The following ERI3 variants were observed in gnomAD, a reference collection of about 807,000 sequenced individuals.
ERI3 encodes ERI1 exoribonuclease 3.
A neutral mutation model predicts 44.4 loss-of-function variants in ERI3; 18 were observed. The ratio of observed to expected loss-of-function variants is 0.41; its 90% CI spans 0.28 to 0.60. The LOEUF is 0.60. Among genes scored for constraint, ERI3 ranks in the 20% least tolerant of loss-of-function variants. ERI3 has a pLI of 0.36. For missense variants in ERI3, 294 were observed against 435.5 expected (o/e 0.68, Z 2.89); for synonymous variants, 183 against 164.8 (o/e 1.11, Z -0.84).
intron 4 of ERI3, among the ~76,000 whole-genome samples, chr1:44,316,563 C>T (rs1646092175): frequency 6.6e-6 from 1 of 152,176 alleles, no homozygotes; most frequent in Non-Finnish European, 1.5e-5. Context: ...GTGCTTTCTC[C>T]TTTCACAGTT....
At chr1:44,351,638 T>C (rs1646892285) in intron 2 of ERI3, among the ~76,000 whole-genome samples, 3 of 152,168 alleles carry the variant, frequency 2.0e-5, no homozygotes, top group African/African-American at 7.2e-5. Context: ...AGAGCACTAA[T>C]CTAATCTTTT....
At chr1:44,248,599 T>C (rs1644602605) in intron 7 of ERI3, among the ~76,000 whole-genome samples, 1 of 152,042 alleles carries the variant, frequency 6.6e-6, no homozygotes, top group Non-Finnish European at 1.5e-5. Flanking sequence ...CTGGGAGCTT[T>C]GTGGTGGCTC....
chr1:44,343,470 G>C (rs1391449840), intron 2 of ERI3, among the ~76,000 whole-genome samples: 1 of 152,152 alleles, frequency 6.6e-6, no homozygotes. Context: ...TTATATTCCT[G>C]AAGCTACACA....
intron 8 of ERI3, chr1:44,244,133 C>G (rs1161260589): frequency 6.6e-6 from 1 of 152,662 alleles, no homozygotes; most frequent in East Asian, 1.9e-4. Context: ...ACTCAGCAGT[C>G]CCCTGTGGAG....
At chr1:44,256,474 T>C (rs146940590) in intron 7 of ERI3, among the ~76,000 whole-genome samples, 204 of 152,306 alleles carry the variant, frequency 1.3e-3, no homozygotes, top group African/African-American at 4.7e-3. Flanking sequence ...AAGCCCATCC[T>C]CCCTAACCCC....
chr1:44,282,457 C>G (rs1003973795), intron 7 of ERI3, among the ~76,000 whole-genome samples: 8 of 152,212 alleles, frequency 5.3e-5, no homozygotes, highest in African/African-American at 1.9e-4. Flanking sequence ...TGGAGTAAGT[C>G]TTTTACATAA....
intron 2 of ERI3, among the ~76,000 whole-genome samples, chr1:44,339,633 G>C (rs939249516): frequency 6.6e-6 from 1 of 152,144 alleles, no homozygotes; most frequent in Admixed American, 6.5e-5. Context: ...GTTCAAAAGA[G>C]AGAAGAGAGA....
intron 6 of ERI3, among the ~76,000 whole-genome samples, chr1:44,288,311 A>C (rs1007343104): frequency 1.3e-5 from 2 of 152,066 alleles, no homozygotes. Flanking sequence ...TTGTAGACTC[A>C]CTCGCAGGAA....
chr1:44,328,354 A>G (rs985298505), intron 3 of ERI3, among the ~76,000 whole-genome samples: 1 of 151,714 alleles, frequency 6.6e-6, no homozygotes, highest in African/African-American at 2.4e-5. Flanking sequence ...CTGTTGTCAA[A>G]CCAGTCCCAT....
intron 5 of ERI3, among the ~76,000 whole-genome samples, chr1:44,312,851 C>T (rs1646002522): frequency 6.6e-6 from 1 of 152,248 alleles, no homozygotes; most frequent in Non-Finnish European, 1.5e-5. Flanking sequence ...AGCTCAGCTC[C>T]CCTACTCCCC....
chr1:44,279,960 G>T (rs973188744), intron 7 of ERI3, among the ~76,000 whole-genome samples: 5 of 152,000 alleles, frequency 3.3e-5, no homozygotes, highest in Non-Finnish European at 5.9e-5. Flanking sequence ...AACAGGGCTG[G>T]GTAGGAATAC....
chr1:44,283,537 T>C (rs773039343), intron 7 of ERI3, among the ~76,000 whole-genome samples: 3 of 152,118 alleles, frequency 2.0e-5, no homozygotes, highest in South Asian at 2.1e-4. Context: ...AGGCAAGCCA[T>C]AGAGCAAGGC....
intron 3 of ERI3, among the ~76,000 whole-genome samples, chr1:44,329,667 C>T (rs1042039580): frequency 2.0e-5 from 3 of 152,204 alleles, no homozygotes. Context: ...ACCATCACTA[C>T]CTACCTCCTC....
At chr1:44,332,219 C>T (rs1161238983) in intron 3 of ERI3, among the ~76,000 whole-genome samples, 4 of 152,090 alleles carry the variant, frequency 2.6e-5, no homozygotes, top group Non-Finnish European at 4.4e-5. Context: ...TGTTATTTTA[C>T]GGTCCCTGAT....
intron 8 of ERI3, among the ~76,000 whole-genome samples, chr1:44,227,205 T>C (rs536608017): frequency 6.6e-6 from 1 of 152,212 alleles, no homozygotes; most frequent in African/African-American, 2.4e-5. Flanking sequence ...ACAGGCCTCC[T>C]GCCTGCAGAA....
At chr1:44,283,941 C>G (rs1028993187) in intron 7 of ERI3, 1 of 463,858 alleles carries the variant, frequency 2.2e-6, no homozygotes, top group Admixed American at 2.4e-5. Flanking sequence ...CCTAGCCTCA[C>G]CCCCCTTGAC....
rs1557759866 is a variant in ERI3, at chr1:44,221,865, A to T, written c.932-225T>A. 6.6e-6 allele frequency among the ~76,000 whole-genome samples: 1 copy of T among 152,110 alleles called. No homozygotes were observed. Among genetic ancestry groups the T allele is most frequent in the East Asian group, 1.9e-4 (1 of 5,170 alleles). On this transcript the variant is annotated intron_variant, in intron 8 of 8. Coordinates refer to ENST00000372257, the MANE Select transcript of ERI3 (RefSeq NM_024066.3). This position sits in a 1 kb window ranked among gnomAD's most constrained non-coding sequence, Gnocchi z 5.9. ...TCGATGCTTCTCAGTTCCATAATTC[A>T]TGCTGGAAATTGGCCGGCATGTCCC...
intron 7 of ERI3, among the ~76,000 whole-genome samples, chr1:44,268,765 C>T (rs1368245303): frequency 1.3e-5 from 2 of 152,184 alleles, no homozygotes; most frequent in African/African-American, 2.4e-5. Context: ...GCCAAGACAA[C>T]AAATAGAGGA....
At chr1:44,312,732 TCGATG>T (rs1395776478) in intron 5 of ERI3, among the ~76,000 whole-genome samples, 1 of 152,204 alleles carries the variant, frequency 6.6e-6, no homozygotes, top group Non-Finnish European at 1.5e-5. Flanking sequence ...ACAAAAGCCA[TCGATG>T]CGGAGTTCTG....
Sources: gnomAD v4.1 joint callset for allele counts (sites outside exome capture counted in the v4.1 genomes callset) on GRCh38, gnomAD v4.1.1 for gene constraint, Gnocchi (gnomAD v3.1) non-coding constraint, MANE v1.5 for transcripts, NCBI Gene and HGNC (gene_info 2026-07-23, HGNC 2026-07-21) for gene names.